Variants in RYR3 observed in about 807,000 individuals in gnomAD.
RYR3 encodes the protein ryanodine receptor 3.
RYR3 carries 207 observed loss-of-function variants against 584.3 expected under a neutral mutation model. That is an observed-to-expected ratio of 0.35 (90% CI 0.32 to 0.40). The LOEUF (loss-of-function observed/expected upper bound fraction) is 0.40, where lower values mean the gene tolerates loss of function less well. Among genes scored for constraint, RYR3 ranks in the 10% least tolerant of loss-of-function variants. The pLI, the probability that RYR3 is intolerant of heterozygous loss-of-function variation, is 1.00. For missense variants in RYR3, 5,616 were observed against 6,089.2 expected (o/e 0.92, Z 2.59); for synonymous variants, 2,416 against 2,248.5 (o/e 1.07, Z -2.11).
At chr15:33,784,807 A>G (rs2074604623) in intron 65 of RYR3, among the ~76,000 whole-genome samples, 1 of 152,196 alleles carries the variant, frequency 6.6e-6, no homozygotes. Context: ...ATCTTGCAGG[A>G]AAGAGTGTCC....
intron 1 of RYR3, among the ~76,000 whole-genome samples, chr15:33,471,248 A>G (rs2048900949): frequency 6.6e-6 from 1 of 152,190 alleles, no homozygotes; most frequent in African/African-American, 2.4e-5. Context: ...GGGAAAGAGT[A>G]GAAATCGTTT....
chr15:33,793,924 C>CTCTCTA (rs372089329), intron 67 of RYR3, among the ~76,000 whole-genome samples: 76,866 of 141,570 alleles, frequency 0.54, 22,868 homozygotes, highest in East Asian at 0.94. Flanking sequence ...CACACACACT[C>CTCTCTA]TATATATATA....
intron 58 of RYR3, 59 bp downstream of exon 58, chr15:33,755,239 C>A: frequency 1.0e-6 from 1 of 998,460 alleles, no homozygotes; most frequent in Non-Finnish European, 1.5e-6. Flanking sequence ...AAGAAATAAT[C>A]CTTTCAGACT....
chr15:33,550,141 G>T lies in RYR3; in HGVS notation c.816-19G>T. The T allele has an allele frequency of 6.2e-7, 1 of 1,605,820 alleles. No homozygotes were observed. The highest frequency in any genetic ancestry group is 8.5e-7 in the Non-Finnish European group (1 of 1,177,526). On this transcript the variant is annotated intron_variant, in intron 9 of 103. Transcript: ENST00000634891. Reference sequence around the variant, plus strand: ...TATTTTTGTATAAATGCAATTTCTTGTCTGTTTCATCTGCCCAGCTGGAGT... The same window carrying T: ...TATTTTTGTATAAATGCAATTTCTTTTCTGTTTCATCTGCCCAGCTGGAGT...
chr15:33,524,640 C>T (rs1034642030), intron 3 of RYR3, among the ~76,000 whole-genome samples: 3 of 152,186 alleles, frequency 2.0e-5, no homozygotes, highest in African/African-American at 7.2e-5. Flanking sequence ...CCTGGAATCT[C>T]ATCAGCTAAA....
chr15:33,710,889 C>T (rs1018166741), intron 43 of RYR3, among the ~76,000 whole-genome samples: 2 of 152,336 alleles, frequency 1.3e-5, no homozygotes, highest in South Asian at 2.1e-4. Flanking sequence ...TGCCCTGGGC[C>T]TGGCCCACAA....
At chr15:33,356,072 C>T (rs1973935832) in intron 1 of RYR3, among the ~76,000 whole-genome samples, 1 of 152,014 alleles carries the variant, frequency 6.6e-6, no homozygotes. Context: ...TAGATAAGAA[C>T]TGTGAGTATA....
chr15:33,842,553 C>G (rs1180200408), intron 91 of RYR3, among the ~76,000 whole-genome samples: 2 of 152,246 alleles, frequency 1.3e-5, no homozygotes, highest in Admixed American at 6.5e-5. Flanking sequence ...CACACCTTCC[C>G]TAGCACCATT....
intron 1 of RYR3, among the ~76,000 whole-genome samples, chr15:33,379,687 C>CTCTCTCTCTATATATATATATATATA: frequency 2.4e-5 from 3 of 125,522 alleles, no homozygotes; most frequent in African/African-American, 3.5e-5. Flanking sequence ...CTCTCTCTCT[C>CTCTCTCTCTATATATATATATATATA]TATATATATA....
chr15:33,701,152 AC>A, intron 42 of RYR3, 72 bp downstream of exon 42: 1 of 949,686 alleles, frequency 1.1e-6, no homozygotes, highest in Non-Finnish European at 1.7e-6. Context: ...GGATAAGCAG[AC>A]CACGGATGGA....
chr15:33,790,596 C>A (rs751459711), intron 67 of RYR3, among the ~76,000 whole-genome samples: 1 of 152,062 alleles, frequency 6.6e-6, no homozygotes, highest in African/African-American at 2.4e-5. Context: ...CACTTTCAGA[C>A]GTGTTGAAAT....
intron 10 of RYR3, among the ~76,000 whole-genome samples, chr15:33,553,130 G>A (rs564021450): frequency 1.3e-5 from 2 of 152,264 alleles, no homozygotes; most frequent in African/African-American, 4.8e-5. Flanking sequence ...TGTTTTCTAT[G>A]GGACTGGGGC....
intron 96 of RYR3, among the ~76,000 whole-genome samples, chr15:33,853,896 T>C (rs557574345): frequency 2.0e-5 from 3 of 152,080 alleles, no homozygotes; most frequent in Non-Finnish European, 4.4e-5. Flanking sequence ...AAAGACTTAA[T>C]TAAAATTTCA....
chr15:33,722,507 A>G, intron 43 of RYR3: 4 of 565,562 alleles, frequency 7.1e-6, no homozygotes, highest in Non-Finnish European at 6.1e-6. Context: ...GTTCAAGTGC[A>G]GTGAGTGGGG....
At chr15:33,828,675 A>T (rs1018892959) in intron 85 of RYR3, among the ~76,000 whole-genome samples, 5 of 152,252 alleles carry the variant, frequency 3.3e-5, no homozygotes, top group African/African-American at 7.2e-5. Flanking sequence ...GAGAGAGGTA[A>T]GGAAGCTGCC....
At chr15:33,337,934 A>ATTTTT (rs199625940) in intron 1 of RYR3, among the ~76,000 whole-genome samples, 3,341 of 113,194 alleles carry the variant, frequency 0.03, 324 homozygotes, top group African/African-American at 0.04. Flanking sequence ...ATTTTAGGAG[A>ATTTTT]TTTTTTTTTT....
At chr15:33,669,283 C>T in intron 36 of RYR3, 71 bp from the exon 37 acceptor site, 1 of 1,242,468 alleles carries the variant, frequency 8.0e-7, no homozygotes, top group Non-Finnish European at 1.2e-6. Context: ...AAGTGTCTGT[C>T]TAAGGCAGGA....
At chr15:33,649,678 G>A (rs2062346285) in intron 31 of RYR3, among the ~76,000 whole-genome samples, 1 of 152,216 alleles carries the variant, frequency 6.6e-6, no homozygotes, top group African/African-American at 2.4e-5. Flanking sequence ...ATGGTTGAAA[G>A]CATAAGGAAT....
intron 69 of RYR3, among the ~76,000 whole-genome samples, chr15:33,805,693 G>C (rs371657412): frequency 1.9e-3 from 289 of 151,768 alleles, no homozygotes; most frequent in African/African-American, 6.8e-3. Context: ...TAGCCAGGAT[G>C]GTCTCGATCT....
Sources: gnomAD v4.1 joint callset for allele counts (sites outside exome capture counted in the v4.1 genomes callset) on GRCh38, gnomAD v4.1.1 for gene constraint, MANE v1.5 for transcripts, NCBI Gene and HGNC (gene_info 2026-07-23, HGNC 2026-07-21) for gene names.